The following DEFB124 variants were observed in gnomAD, a reference collection of about 807,000 sequenced individuals.
The protein encoded by DEFB124 is defensin beta 124, also known as beta-defensin 124.
For missense variants in DEFB124, 78 were observed against 83.1 expected, an observed-to-expected ratio of 0.94 and a Z score of 0.24; for synonymous variants, 38 against 36.5, an observed-to-expected ratio of 1.04 and a Z score of -0.15.
intron 2 of DEFB124, among the ~76,000 whole-genome samples, chr20:31,471,190 T>A (rs1300785673): frequency 4.0e-5 from 2 of 49,418 alleles, no homozygotes; most frequent in East Asian, 7.1e-4. Context: ...GGGGGCTGAC[T>A]CCCCCACCTC....
intron 2 of DEFB124, among the ~76,000 whole-genome samples, chr20:31,471,117 C>A (rs1293894337): frequency 8.1e-6 from 1 of 123,752 alleles, no homozygotes; most frequent in Non-Finnish European, 1.8e-5. Context: ...CTGGACAGGG[C>A]GGCTGGCCGG....
At chr20:31,470,560 A>ACCC (rs1568757736) in intron 2 of DEFB124, among the ~76,000 whole-genome samples, 1 of 71,760 alleles carries the variant, frequency 1.4e-5, no homozygotes, top group African/African-American at 5.9e-5. Flanking sequence ...CGGGGGGCTG[A>ACCC]CCCCACCTCC....
At chr20:31,466,032 C>T (rs979341309) in intron 2 of DEFB124, among the ~76,000 whole-genome samples, 1 of 151,998 alleles carries the variant, frequency 6.6e-6, no homozygotes, top group African/African-American at 2.4e-5. Flanking sequence ...TGGCAGGTGC[C>T]TTTAATCCCA....
In DEFB124 at chr20:31,465,645, C is replaced by T. The variant is rs551719699; in HGVS notation, c.77G>A (p.Arg26Gln). ...GCAGGCCCCTTGACCCTTCCAGCAC[C>T]GTTTGAATTCACTTCTCCCTAAACA... ...HVPSGRSEFK[R>Q]CWKGQGACQT... The change falls in exon 3 of 3, where the codon CGG (arginine) becomes CAG (glutamine). Residue 26 changes from arginine (R) to glutamine (Q), a missense_variant. By Grantham distance (43) the Arg-to-Gln change is conservative (BLOSUM62 1). Transcript: ENST00000317676. 1.5e-5 allele frequency: 25 copies of T among 1,613,788 alleles called. No homozygotes were observed. In the African/African-American group the frequency reaches 1.6e-4, roughly 10 times the overall value.
chr20:31,473,202 G>T (rs148738105), intron 1 of DEFB124, among the ~76,000 whole-genome samples, 164 bp from the exon 2 acceptor site: 109 of 152,268 alleles, frequency 7.2e-4, no homozygotes, highest in African/African-American at 2.6e-3. Flanking sequence ...CCAGCTACGT[G>T]GGAACTGGTC....
intron 2 of DEFB124, among the ~76,000 whole-genome samples, chr20:31,470,374 C>G: frequency 7.0e-6 from 1 of 142,094 alleles, no homozygotes; most frequent in Non-Finnish European, 1.5e-5. Context: ...GCTGGCCGGG[C>G]GGGGGGCTGA....
At chr20:31,466,597 C>A in intron 2 of DEFB124, among the ~76,000 whole-genome samples, 1 of 77,140 alleles carries the variant, frequency 1.3e-5, no homozygotes. Context: ...AAGACTCCAT[C>A]TCAAAAAGAA....
At chr20:31,472,417 G>A (rs1366480493) in intron 2 of DEFB124, among the ~76,000 whole-genome samples, 1 of 145,078 alleles carries the variant, frequency 6.9e-6, no homozygotes, top group Non-Finnish European at 1.5e-5. Flanking sequence ...GGGAGACCGA[G>A]AGGGAGAGGG....
At chr20:31,470,502 G>A (rs1341642225) in intron 2 of DEFB124, among the ~76,000 whole-genome samples, 19 of 136,936 alleles carry the variant, frequency 1.4e-4, no homozygotes, top group African/African-American at 8.3e-5. Flanking sequence ...CAGTAGGGGC[G>A]GCTGGGCAGA....
At chr20:31,471,299 G>C (rs1980286729) in intron 2 of DEFB124, among the ~76,000 whole-genome samples, 1 of 114,762 alleles carries the variant, frequency 8.7e-6, no homozygotes, top group African/African-American at 3.5e-5. Flanking sequence ...GGGGCGGCTG[G>C]CCGGGCGGGG....
chr20:31,468,509 C>T (rs1227024642), intron 2 of DEFB124, among the ~76,000 whole-genome samples: 2 of 151,484 alleles, frequency 1.3e-5, no homozygotes, highest in African/African-American at 2.4e-5. Context: ...CAGAGTCTCA[C>T]TCTGTTGCCA....
intron 2 of DEFB124, among the ~76,000 whole-genome samples, chr20:31,472,286 G>A (rs1441985948): frequency 2.0e-5 from 3 of 152,278 alleles, no homozygotes; most frequent in Admixed American, 6.5e-5. Flanking sequence ...GCCTGCAATC[G>A]CAGGCACTGG....
intron 1 of DEFB124, 145 bp from the exon 2 acceptor site, chr20:31,473,183 G>A: frequency 1.5e-6 from 1 of 665,856 alleles, no homozygotes; most frequent in Non-Finnish European, 2.5e-6. Context: ...AGGCTGCTTG[G>A]GATTTCAGCC....
At position 31,471,790 on chromosome 20, in the gene DEFB124, A is replaced by C. The variant is rs1356442698; in HGVS notation, c.58+1166T>G. Among the ~76,000 whole-genome samples the C allele has an allele frequency of 4.4e-4, 60 of 135,776 alleles. No individual in the cohort carries two copies. The East Asian group carries it at 0.013, about 29-fold the overall frequency. The allele number at this position is 135,776 out of a possible 152,430, so 89.1% of individuals were successfully genotyped here. A position where few individuals can be genotyped will look rare whatever the true frequency, so the allele number is the denominator to read the frequency against. On this transcript the variant is annotated intron_variant, in intron 2 of 2. Transcript: ENST00000317676. The stretch of plus-strand genomic sequence containing the variant: ...GGGCGGCGGGGCAGAGGCGCTCCCC[A>C]CATCTCAGACGATGGGCGGCCGGGC...
chr20:31,472,695 A>G, intron 2 of DEFB124: 2 of 433,766 alleles, frequency 4.6e-6, no homozygotes, highest in Admixed American at 4.0e-5. Context: ...TCACTGCTAC[A>G]TGTCTTTCAC....
At chr20:31,473,986 C>T (rs76953731) in intron 1 of DEFB124, among the ~76,000 whole-genome samples, 5 of 152,230 alleles carry the variant, frequency 3.3e-5, no homozygotes, top group Middle Eastern at 3.4e-3. Context: ...AAAGGTATCC[C>T]GGGCAGAAAG....
chr20:31,471,421 A>G (rs1288438634), intron 2 of DEFB124, among the ~76,000 whole-genome samples: 1 of 60,522 alleles, frequency 1.7e-5, no homozygotes, highest in Non-Finnish European at 3.1e-5. Flanking sequence ...TGACCCCCCC[A>G]CCTCCCTCCC....
At chr20:31,470,208 AC>A (rs1316553289) in intron 2 of DEFB124, among the ~76,000 whole-genome samples, 1 of 115,316 alleles carries the variant, frequency 8.7e-6, no homozygotes, top group South Asian at 2.9e-4. Context: ...CGGGGGGCTG[AC>A]CCCCCCACCT....
intron 2 of DEFB124, among the ~76,000 whole-genome samples, chr20:31,466,623 A>ATATATATATATATATATATATATATATAT (rs1274120880): frequency 3.0e-4 from 45 of 147,884 alleles, no homozygotes; most frequent in African/African-American, 6.7e-4. Flanking sequence ...ATATATATAT[A>ATATATATATATATATATATATATATATAT]AAACCTTATC....
Sources: allele counts gnomAD v4.1 joint callset (sites outside exome capture counted in the v4.1 genomes callset), GRCh38; gene constraint gnomAD v4.1.1; transcripts MANE v1.5; gene names NCBI Gene and HGNC (gene_info 2026-07-23, HGNC 2026-07-21).